PDIA5: variants seen among roughly 807,000 people sequenced by gnomAD.
The protein encoded by PDIA5 is protein disulfide isomerase family A member 5, also known as protein disulfide-isomerase A5.
Under a neutral mutation model 77.6 loss-of-function variants are expected in PDIA5, and 58 were observed. The observed-to-expected ratio is 0.75, with a 90% CI of 0.61 to 0.93. The LOEUF (loss-of-function observed/expected upper bound fraction) is 0.93, where lower values mean the gene tolerates loss of function less well. PDIA5 is among the 40% of genes least tolerant of loss of function. The pLI, the probability that PDIA5 is intolerant of heterozygous loss-of-function variation, is 0.00. For missense variants in PDIA5, 630 were observed against 647.7 expected (o/e 0.97, Z 0.30); for synonymous variants, 250 against 252.1 (o/e 0.99, Z 0.08).
At chr3:123,128,497 T>C (rs184702761) in intron 10 of PDIA5, among the ~76,000 whole-genome samples, 3 of 152,002 alleles carry the variant, frequency 2.0e-5, no homozygotes, top group African/African-American at 7.2e-5. Flanking sequence ...ATTCAATTTA[T>C]TTTTTATTTT....
rs776366281 is a variant in PDIA5 at position 123,092,026 on chromosome 3, C to T, written c.170-329C>T. Among the ~76,000 whole-genome samples the T allele has an allele frequency of 2.0e-5, 3 of 152,316 alleles. No individual in the cohort carries two copies. The East Asian group carries it at 5.8e-4, about 29-fold the overall frequency. On this transcript the variant is annotated intron_variant, in intron 2 of 16. Coordinates refer to ENST00000316218, the MANE Select transcript of PDIA5 (RefSeq NM_006810.4). ...ATCCCAGAAAGACATGAGTCGGAGA[C>T]TTTACTGGCCTTGAGGATCTGGCTG...
At chr3:123,108,337 G>A (rs1408183592) in intron 6 of PDIA5, among the ~76,000 whole-genome samples, 1 of 149,142 alleles carries the variant, frequency 6.7e-6, no homozygotes, top group Non-Finnish European at 1.5e-5. Flanking sequence ...CTGGAGTGCA[G>A]TAGCGTGATC....
At chr3:123,155,174 G>C in intron 15 of PDIA5, 133 bp downstream of exon 15, 1 of 693,694 alleles carries the variant, frequency 1.4e-6, no homozygotes, top group African/African-American at 1.7e-5. Flanking sequence ...TTGGGAACCA[G>C]GACATTCTCT....
At chr3:123,125,504 G>T (rs575120747) in intron 10 of PDIA5, among the ~76,000 whole-genome samples, 2 of 152,136 alleles carry the variant, frequency 1.3e-5, no homozygotes, top group African/African-American at 4.8e-5. Flanking sequence ...TCTGCTCGGA[G>T]CCCCTCCCCT....
chr3:123,118,500 G>A (rs1049857616), intron 8 of PDIA5, among the ~76,000 whole-genome samples: 4 of 152,092 alleles, frequency 2.6e-5, no homozygotes, highest in African/African-American at 9.7e-5. Context: ...CTTGATGCCA[G>A]TCTCAGTGCA....
At chr3:123,095,639 C>T (rs1328350678) in intron 3 of PDIA5, among the ~76,000 whole-genome samples, 1 of 151,498 alleles carries the variant, frequency 6.6e-6, no homozygotes, top group Non-Finnish European at 1.5e-5. Flanking sequence ...ATCACAGCTA[C>T]TTGGGAGGCT....
At chr3:123,081,512 G>C (rs916412746) in intron 1 of PDIA5, among the ~76,000 whole-genome samples, 5 of 152,160 alleles carry the variant, frequency 3.3e-5, no homozygotes, top group African/African-American at 1.2e-4. Context: ...TCTAGACTTA[G>C]ATTCTGACAT....
Position 123,067,204 on chromosome 3 carries a change from TG to T in PDIA5, c.42+1del. The stretch of plus-strand genomic sequence containing the variant: ...GCCGGCGTGGCTGCTGCTGGCAATC[TG>T]GGTGAGACTGTGGGGCAGGGATCCG... ...AGPAWLLLAI[W>X]VVLPSWLSSA... On this transcript the variant is annotated frameshift_variant and splice_region_variant, in exon 1 of 17. Coordinates refer to ENST00000316218, the MANE Select transcript of PDIA5 (RefSeq NM_006810.4). LOFTEE classifies it high-confidence loss of function. The T allele has an allele frequency of 8.0e-7, 1 of 1,246,958 alleles. No homozygotes were observed. Among genetic ancestry groups the T allele is most frequent in the Non-Finnish European group, 1.0e-6 (1 of 989,648 alleles). 77.2% of individuals were successfully genotyped at this position (1,246,958 alleles called of 1,614,324 possible).
At chr3:123,091,843 C>G (rs888323360) in intron 2 of PDIA5, among the ~76,000 whole-genome samples, 1 of 152,202 alleles carries the variant, frequency 6.6e-6, no homozygotes, top group African/African-American at 2.4e-5. Flanking sequence ...TTGTACTGAG[C>G]TCCTAGATGA....
At chr3:123,149,244 G>A (rs1289911653) in intron 13 of PDIA5, among the ~76,000 whole-genome samples, 1 of 152,218 alleles carries the variant, frequency 6.6e-6, no homozygotes, top group Non-Finnish European at 1.5e-5. Flanking sequence ...AAAACACCTG[G>A]AAATAAGGAG....
chr3:123,127,964 G>A (rs949786548), intron 10 of PDIA5, among the ~76,000 whole-genome samples: 4 of 152,158 alleles, frequency 2.6e-5, no homozygotes, highest in East Asian at 3.9e-4. Context: ...CTCACGGCCT[G>A]GGGTAGGCGG....
At chr3:123,141,629 A>G (rs1935638937) in intron 11 of PDIA5, among the ~76,000 whole-genome samples, 2 of 152,242 alleles carry the variant, frequency 1.3e-5, no homozygotes, top group Non-Finnish European at 2.9e-5. Context: ...CACCTTGGAC[A>G]GGTGCAGGGA....
intron 14 of PDIA5, among the ~76,000 whole-genome samples, chr3:123,153,599 C>T (rs1022486687): frequency 2.0e-5 from 3 of 152,140 alleles, no homozygotes; most frequent in African/African-American, 7.2e-5. Flanking sequence ...TATAACCCAT[C>T]ACTGGCCCAG....
chr3:123,116,335 C>G (rs768604013), intron 8 of PDIA5, 37 bp downstream of exon 8: 4 of 1,563,842 alleles, frequency 2.6e-6, no homozygotes, highest in Non-Finnish European at 3.5e-6. Context: ...GGCTGGGTCA[C>G]TCTTGGACTT....
rs144970926 is a variant in PDIA5 at position 123,135,426 on chromosome 3, C to T, written c.910+4810C>T. ...GTGCTACAGGGCTTCTTGGGGGCCA[C>T]GTGGCTCTACCCTTGCCTACCCCCT... On this transcript the variant is annotated intron_variant, in intron 11 of 16. Coordinates refer to ENST00000316218, the MANE Select transcript of PDIA5 (RefSeq NM_006810.4). 5.5e-3 allele frequency among the ~76,000 whole-genome samples: 840 copies of T among 152,238 alleles called. 5 individuals are homozygous for T. Among genetic ancestry groups the T allele is most frequent in the African/African-American group, 0.015 (643 of 41,532 alleles).
chr3:123,115,772 G>A (rs73856823), intron 7 of PDIA5, among the ~76,000 whole-genome samples: 2,248 of 152,328 alleles, frequency 0.015, 50 homozygotes, highest in African/African-American at 0.049. Context: ...AAAAGTGATC[G>A]TATTCGTGGT....
rs1039597784 is a variant in PDIA5, at chr3:123,115,650, T to G, written c.542-581T>G. On this transcript the variant is annotated intron_variant, in intron 7 of 16. Transcript: ENST00000316218. The stretch of plus-strand genomic sequence containing the variant: ...AGAGTCCGCATGGCATCCCGATTCC[T>G]GGCCTGACGCTCTTCCCACAGGCCA... Among the ~76,000 whole-genome samples, 15 of 151,806 alleles carry G rather than the reference T, an allele frequency of 9.9e-5. 1 individual carries two copies. The highest frequency in any genetic ancestry group is 3.6e-4 in the African/African-American group (15 of 41,292).
chr3:123,128,325 A>G (rs1044508956), intron 10 of PDIA5, among the ~76,000 whole-genome samples: 3 of 152,060 alleles, frequency 2.0e-5, no homozygotes, highest in Non-Finnish European at 4.4e-5. Context: ...CTGTTATTTT[A>G]GCAGTTTTAG....
In PDIA5 at chr3:123,129,799, A is replaced by T. The variant is rs113029356; in HGVS notation, c.774-681A>T. 7.6e-3 allele frequency among the ~76,000 whole-genome samples: 1,151 copies of T among 152,296 alleles called. 17 individuals carry two copies. Among genetic ancestry groups the T allele is most frequent in the African/African-American group, 0.027 (1,110 of 41,564 alleles). The stretch of plus-strand genomic sequence containing the variant: ...GCGGCTGCCTAAGGTTTTGCAGCTG[A>T]TGAGTGGTAGAGTTGATTTGGCTTC... On this transcript the variant is annotated intron_variant, in intron 10 of 16. Coordinates refer to ENST00000316218, the MANE Select transcript of PDIA5 (RefSeq NM_006810.4).
Sources: allele counts gnomAD v4.1 joint callset (sites outside exome capture counted in the v4.1 genomes callset), GRCh38; gene constraint gnomAD v4.1.1; transcripts MANE v1.5; gene names NCBI Gene and HGNC (gene_info 2026-07-23, HGNC 2026-07-21).